Variants in PTGFR observed in about 807,000 individuals in gnomAD.
PTGFR encodes prostaglandin F receptor.
In PTGFR, 15 loss-of-function variants were observed where a neutral mutation model predicts 26.2. The observed-to-expected ratio is 0.57, with a 90% CI of 0.38 to 0.88. The LOEUF (loss-of-function observed/expected upper bound fraction) is 0.88. PTGFR is among the 40% of genes least tolerant of loss of function. The pLI, the probability that PTGFR is intolerant of heterozygous loss-of-function variation, is 0.00. For missense variants in PTGFR, 369 were observed against 427.2 expected, an observed-to-expected ratio of 0.86 and a Z score of 1.20; for synonymous variants, 165 against 151.1, an observed-to-expected ratio of 1.09 and a Z score of -0.68.
intron 2 of PTGFR, among the ~76,000 whole-genome samples, chr1:78,522,035 T>C (rs1394552706): frequency 6.8e-6 from 1 of 147,614 alleles, no homozygotes; most frequent in Non-Finnish European, 1.5e-5. Context: ...AGGAGCAGTG[T>C]TGGGCTGTTA....
intron 2 of PTGFR, among the ~76,000 whole-genome samples, chr1:78,528,677 C>A (rs1390571366): frequency 6.6e-6 from 1 of 152,064 alleles, no homozygotes; most frequent in African/African-American, 2.4e-5. Context: ...GGACACTCTT[C>A]TCATTTAAAA....
chr1:78,499,601 G>A (rs554145588), intron 2 of PTGFR, among the ~76,000 whole-genome samples: 1 of 152,294 alleles, frequency 6.6e-6, no homozygotes, highest in Admixed American at 6.5e-5. Flanking sequence ...GTAGTACTTT[G>A]AATTGTGATT....
At position 78,537,376 on chromosome 1, in the gene PTGFR, T is replaced by C. The variant is rs558306099; in HGVS notation, c.*689T>C. On this transcript the variant is annotated 3_prime_UTR_variant, in exon 3 of 3. Coordinates refer to ENST00000370757, the MANE Select transcript of PTGFR (RefSeq NM_000959.4). ...TTTTCATGTCATAGATTAGCAATTTTCAAATAATTATTTTTTCTCTGAAAA... is the reference window on the plus strand; with the variant it reads ...TTTTCATGTCATAGATTAGCAATTTCCAAATAATTATTTTTTCTCTGAAAA... The C allele has an allele frequency of 6.6e-6, 1 of 152,252 alleles. No homozygotes were observed. Among genetic ancestry groups the C allele is most frequent in the South Asian group, 2.1e-4 (1 of 4,826 alleles). The allele number at this position is 152,252 out of a possible 1,614,324, so 9.4% of individuals were successfully genotyped here. A position where few individuals can be genotyped will look rare whatever the true frequency, so the allele number is the denominator to read the frequency against.
intron 2 of PTGFR, among the ~76,000 whole-genome samples, chr1:78,498,194 A>G (rs2100352759): frequency 6.6e-6 from 1 of 152,346 alleles, no homozygotes. Flanking sequence ...ATGACATCAT[A>G]GCACATTTTG....
Position 78,516,130 on chromosome 1 carries a change from C to T in PTGFR, c.799-20276C>T, listed in dbSNP as rs191240843. 5.5e-4 allele frequency among the ~76,000 whole-genome samples: 84 copies of T among 152,124 alleles called. 3 individuals carry two copies. The East Asian group carries it at 0.011, about 21-fold the overall frequency. On this transcript the variant is annotated intron_variant, in intron 2 of 2. Transcript: ENST00000370757. Reference sequence around the variant, plus strand: ...AATTAATTTTTTTAAAAAAACCACACGCACAACTCCTACTATATGCCAGAC... The same window carrying T: ...AATTAATTTTTTTAAAAAAACCACATGCACAACTCCTACTATATGCCAGAC...
chr1:78,530,529 C>A (rs1287289140), intron 2 of PTGFR, among the ~76,000 whole-genome samples: 1 of 152,128 alleles, frequency 6.6e-6, no homozygotes, highest in Admixed American at 6.6e-5. Context: ...GGCTAACACA[C>A]AAATCCTTAG....
At chr1:78,496,315 C>G (rs1649552024) in intron 2 of PTGFR, among the ~76,000 whole-genome samples, 1 of 152,070 alleles carries the variant, frequency 6.6e-6, no homozygotes, top group Non-Finnish European at 1.5e-5. Flanking sequence ...AATTACTGAG[C>G]CATTATTTTC....
intron 2 of PTGFR, chr1:78,532,364 T>TTATGTATATATATATA (rs1553166402): frequency 1.2e-5 from 1 of 85,214 alleles, no homozygotes; most frequent in African/African-American, 4.6e-5. Flanking sequence ...GTAAATTCAT[T>TTATGTATATATATATA]TATATATATA....
rs1332180586 is a variant in PTGFR at position 78,539,782 on chromosome 1, T to A, written c.*3095T>A. 6.6e-6 allele frequency: 1 copy of A among 152,524 alleles called. No individual in the cohort carries two copies. The highest frequency in any genetic ancestry group is 1.9e-4 in the East Asian group (1 of 5,188). The allele number at this position is 152,524 out of a possible 1,614,324, so 9.4% of individuals were successfully genotyped here. A position where few individuals can be genotyped will look rare whatever the true frequency, so the allele number is the denominator to read the frequency against. ...AGTGATTATTTTTAGAAGGACCATA[T>A]AAAACTTGAAACGCTTGAACCTAAA... On this transcript the variant is annotated 3_prime_UTR_variant, in exon 3 of 3. Coordinates refer to ENST00000370757, the MANE Select transcript of PTGFR (RefSeq NM_000959.4).
intron 2 of PTGFR, among the ~76,000 whole-genome samples, chr1:78,499,226 T>A (rs148568168): frequency 6.6e-6 from 1 of 152,304 alleles, no homozygotes; most frequent in Non-Finnish European, 1.5e-5. Flanking sequence ...CTCTGTTCTC[T>A]CAAATATCCC....
intron 2 of PTGFR, among the ~76,000 whole-genome samples, chr1:78,525,001 C>T (rs185549274): frequency 9.0e-4 from 128 of 141,492 alleles, no homozygotes; most frequent in African/African-American, 2.9e-3. Flanking sequence ...CACATAAATC[C>T]TCCAACTGCT....
chr1:78,517,419 T>C (rs1015383503), intron 2 of PTGFR, among the ~76,000 whole-genome samples: 16 of 152,072 alleles, frequency 1.1e-4, no homozygotes, highest in African/African-American at 3.9e-4. Flanking sequence ...TACACGATGA[T>C]TTTAAAGATT....
At chr1:78,534,635 TAACC>T (rs1650601314) in intron 2 of PTGFR, among the ~76,000 whole-genome samples, 1 of 152,100 alleles carries the variant, frequency 6.6e-6, no homozygotes, top group South Asian at 2.1e-4. Context: ...TCTCTAGAGT[TAACC>T]AACGAAAACA....
chr1:78,516,750 T>A (rs1036726408), intron 2 of PTGFR, among the ~76,000 whole-genome samples: 7 of 151,458 alleles, frequency 4.6e-5, no homozygotes, highest in African/African-American at 1.7e-4. Flanking sequence ...TGTACATAAT[T>A]TTTTTTTTCC....
chr1:78,502,140 G>A (rs10158840), intron 2 of PTGFR, among the ~76,000 whole-genome samples: 32,432 of 152,082 alleles, frequency 0.21, 4,370 homozygotes, highest in East Asian at 0.55. Context: ...TATCTCATCA[G>A]AAGTAAAGAT....
chr1:78,494,633 G>T (rs1299280311), intron 2 of PTGFR, among the ~76,000 whole-genome samples: 1 of 152,142 alleles, frequency 6.6e-6, no homozygotes, highest in Non-Finnish European at 1.5e-5. Context: ...TGAGACGGAG[G>T]CTCGCTCTGT....
chr1:78,506,158 G>C (rs187377528), intron 2 of PTGFR, among the ~76,000 whole-genome samples: 1 of 152,026 alleles, frequency 6.6e-6, no homozygotes, highest in Non-Finnish European at 1.5e-5. Flanking sequence ...AGCAACGTGC[G>C]AGTGTCCCAA....
chr1:78,492,548 T>C (rs951751842), intron 1 of PTGFR, 124 bp from the exon 2 acceptor site: 5 of 555,446 alleles, frequency 9.0e-6, no homozygotes, highest in Non-Finnish European at 1.6e-5. Context: ...TTCAGTATGA[T>C]GCAACCTTGC....
intron 2 of PTGFR, among the ~76,000 whole-genome samples, chr1:78,523,839 T>C (rs1243266678): frequency 6.6e-6 from 1 of 152,108 alleles, no homozygotes; most frequent in Non-Finnish European, 1.5e-5. Context: ...AAGAAGAGAC[T>C]CAAAGGGTTT....
Sources: allele counts gnomAD v4.1 joint callset (sites outside exome capture counted in the v4.1 genomes callset), GRCh38; gene constraint gnomAD v4.1.1; transcripts MANE v1.5; gene names NCBI Gene and HGNC (gene_info 2026-07-23, HGNC 2026-07-21).